Variants in NHS observed in about 807,000 individuals in gnomAD.
The protein encoded by NHS is NHS actin remodeling regulator, also known as actin remodeling regulator NHS.
A neutral mutation model predicts 72.5 loss-of-function variants in NHS; 5 were observed. That is an observed-to-expected ratio of 0.07 (90% CI 0.04 to 0.14). The LOEUF (loss-of-function observed/expected upper bound fraction) is 0.14. Ranked by LOEUF, NHS falls within the 10% of genes least tolerant of loss-of-function variation. The pLI is 1.00. For synonymous variants in NHS, 464 were observed against 547.7 expected (o/e 0.85, Z 2.13); for missense variants, 1,072 against 1,355.7 (o/e 0.79, Z 3.29).
chrX:17,416,682 G>A (rs2064597249), intron 1 of NHS, among the ~76,000 whole-genome samples: 1 of 111,373 alleles, frequency 9.0e-6, no homozygotes, highest in African/African-American at 3.3e-5. Flanking sequence ...GGGGCCATAT[G>A]GTATTCTGTT....
chrX:17,464,092 GGT>G (rs747934236), intron 1 of NHS, among the ~76,000 whole-genome samples: 9 of 111,649 alleles, frequency 8.1e-5, no homozygotes, highest in Non-Finnish European at 1.7e-4. Flanking sequence ...TTGGGGAAAA[GGT>G]GTTTTGGTTT....
intron 1 of NHS, among the ~76,000 whole-genome samples, chrX:17,669,539 AAAC>A (rs987542965): frequency 1.4e-4 from 16 of 112,082 alleles, no homozygotes; most frequent in African/African-American, 4.9e-4. Context: ...TACCAAATGG[AAAC>A]AACAACAACA....
At chrX:17,425,568 A>G (rs10856283) in intron 1 of NHS, among the ~76,000 whole-genome samples, 23,373 of 75,830 alleles carry the variant, frequency 0.31, 3,258 homozygotes, top group South Asian at 0.53. Context: ...AAAAAAAAAA[A>G]AAAGAAAGAA....
At chrX:17,606,882 C>T (rs1440059141) in intron 1 of NHS, among the ~76,000 whole-genome samples, 2 of 112,243 alleles carry the variant, frequency 1.8e-5, no homozygotes, top group Admixed American at 9.4e-5. Flanking sequence ...GCACTTATAA[C>T]GAACCCAGGA....
chrX:17,375,812 C>T lies in NHS; in HGVS notation c.55C>T (p.Pro19Ser), dbSNP rs1479986645. ...EPQWLCRQRR[P>S]APGPAVDASG... is the part of the protein sequence containing the mutation. ...GCAATGGCTGTGCAGGCAGCGGCGC[C>T]CTGCGCCCGGCCCAGCAGTGGACGC... The change falls in exon 1 of 9, where the codon CCT (proline) becomes TCT (serine). Residue 19 changes from proline (P) to serine (S), a missense_variant. Physicochemically the swap from Pro to Ser is moderately conservative, Grantham distance 74. Transcript: ENST00000676302. The T allele has an allele frequency of 5.2e-6, 6 of 1,151,025 alleles. No homozygotes were observed. The highest frequency in any genetic ancestry group is 2.6e-5 in the Admixed American group (1 of 38,583). The allele number at this position is 1,151,025 out of a possible 1,213,427, so 94.9% of individuals were successfully genotyped here.
chrX:17,587,756 T>A (rs1188204967), intron 1 of NHS, among the ~76,000 whole-genome samples: 3 of 111,934 alleles, frequency 2.7e-5, no homozygotes, highest in African/African-American at 9.7e-5. Flanking sequence ...AATCAAGAAT[T>A]ATTTGGTCAT....
chrX:17,728,830 C>T, intron 8 of NHS, 55 bp downstream of exon 8: 1 of 1,194,289 alleles, frequency 8.4e-7, no homozygotes, highest in East Asian at 3.0e-5. Context: ...AGGTTTTGCC[C>T]CTTCAGGTAC....
intron 1 of NHS, among the ~76,000 whole-genome samples, chrX:17,536,601 T>C (rs1477942201): frequency 8.9e-6 from 1 of 112,533 alleles, no homozygotes; most frequent in Non-Finnish European, 1.9e-5. Context: ...AACCATTTGT[T>C]GTTCTGCTAG....
At chrX:17,471,704 T>G (rs1210151991) in intron 1 of NHS, among the ~76,000 whole-genome samples, 1 of 112,338 alleles carries the variant, frequency 8.9e-6, no homozygotes, top group Non-Finnish European at 1.9e-5. Context: ...GGGACTCTTT[T>G]TTCCAGATCT....
At chrX:17,551,066 C>T (rs1276189104) in intron 1 of NHS, among the ~76,000 whole-genome samples, 1 of 111,879 alleles carries the variant, frequency 8.9e-6, no homozygotes, top group African/African-American at 3.3e-5. Context: ...TTCACCTTTC[C>T]TGACTGCTCT....
At chrX:17,434,380 C>G (rs771537288) in intron 1 of NHS, among the ~76,000 whole-genome samples, 1 of 110,996 alleles carries the variant, frequency 9.0e-6, no homozygotes, top group East Asian at 2.8e-4. Flanking sequence ...AAATTGCTAC[C>G]AATGTGTCCT....
chrX:17,649,746 G>A (rs2065922217), intron 1 of NHS, among the ~76,000 whole-genome samples: 1 of 111,713 alleles, frequency 9.0e-6, no homozygotes, highest in African/African-American at 3.3e-5. Flanking sequence ...CAGCCATATA[G>A]ATACTAGCTT....
At chrX:17,436,135 T>G (rs915398213) in intron 1 of NHS, among the ~76,000 whole-genome samples, 10 of 112,113 alleles carry the variant, frequency 8.9e-5, no homozygotes, top group African/African-American at 1.6e-4. Flanking sequence ...TGTGTGTTTT[T>G]TTGTTGTTGT....
chrX:17,476,659 A>C, intron 1 of NHS, among the ~76,000 whole-genome samples: 1 of 111,400 alleles, frequency 9.0e-6, no homozygotes, highest in Non-Finnish European at 1.9e-5. Context: ...GCAACAAGTA[A>C]AGGACATTAT....
At chrX:17,564,150 A>G (rs1192950921) in intron 1 of NHS, among the ~76,000 whole-genome samples, 3 of 112,113 alleles carry the variant, frequency 2.7e-5, no homozygotes, top group African/African-American at 9.7e-5. Flanking sequence ...CGAAACAGCA[A>G]TTGTGCTGTT....
At chrX:17,476,590 G>T (rs1459965692) in intron 1 of NHS, among the ~76,000 whole-genome samples, 1 of 111,047 alleles carries the variant, frequency 9.0e-6, no homozygotes, top group East Asian at 2.8e-4. Context: ...TTGTGTGTGG[G>T]TGTGTGTGTG....
chrX:17,476,808 C>T (rs2064921175), intron 1 of NHS, among the ~76,000 whole-genome samples: 1 of 111,823 alleles, frequency 8.9e-6, no homozygotes, highest in South Asian at 3.8e-4. Flanking sequence ...TAGCCCACCT[C>T]GTGCATGGGC....
intron 1 of NHS, among the ~76,000 whole-genome samples, chrX:17,430,410 C>CTCCT (rs1169995304): frequency 0.011 from 640 of 58,968 alleles, 14 homozygotes; most frequent in African/African-American, 0.039. Flanking sequence ...TCCTTTCTTT[C>CTCCT]TCCTTCCTTC....
intron 1 of NHS, among the ~76,000 whole-genome samples, chrX:17,497,252 TTAA>T (rs2065017166): frequency 8.9e-6 from 1 of 112,027 alleles, no homozygotes; most frequent in African/African-American, 3.2e-5. Flanking sequence ...TTCTGGGGAC[TTAA>T]TAAAGCCCAA....
Sources: allele counts gnomAD v4.1 joint callset (sites outside exome capture counted in the v4.1 genomes callset), GRCh38; gene constraint gnomAD v4.1.1; transcripts MANE v1.5; gene names NCBI Gene and HGNC (gene_info 2026-07-23, HGNC 2026-07-21).